The following HDAC9 variants were observed in gnomAD, a reference collection of about 807,000 sequenced individuals.
HDAC9 encodes MEF-2 interacting transcription repressor (MITR) protein.
HDAC9 carries 41 observed loss-of-function variants against 139.4 expected under a neutral mutation model. The observed-to-expected ratio is 0.29, with a 90% CI of 0.23 to 0.38. The LOEUF is 0.38. HDAC9 is among the 10% of genes least tolerant of loss of function. HDAC9 has a pLI of 1.00. For missense variants in HDAC9, 1,147 were observed against 1,297.0 expected, an observed-to-expected ratio of 0.88 and a Z score of 1.78; for synonymous variants, 517 against 476.2, an observed-to-expected ratio of 1.09 and a Z score of -1.12.
At chr7:18,299,900 A>G (rs1481369817) in intron 1 of HDAC9, among the ~76,000 whole-genome samples, 8 of 152,188 alleles carry the variant, frequency 5.3e-5, no homozygotes, top group Non-Finnish European at 1.2e-4. Flanking sequence ...TTAGTCAAAG[A>G]TGTTAAATTT....
chr7:18,910,357 C>T (rs1802635266), intron 22 of HDAC9, among the ~76,000 whole-genome samples: 1 of 151,888 alleles, frequency 6.6e-6, no homozygotes, highest in Non-Finnish European at 1.5e-5. Context: ...AGGTAGCTCA[C>T]TATTGGTATA....
intron 22 of HDAC9, among the ~76,000 whole-genome samples, chr7:18,932,830 AGG>A: frequency 6.9e-6 from 1 of 144,258 alleles, no homozygotes; most frequent in South Asian, 2.3e-4. Context: ...GAAAGAAGGA[AGG>A]AAGGAAGGAA....
At chr7:18,381,386 T>C (rs1785433207) in intron 1 of HDAC9, among the ~76,000 whole-genome samples, 1 of 152,052 alleles carries the variant, frequency 6.6e-6, no homozygotes, top group South Asian at 2.1e-4. Context: ...ATAGTTTATA[T>C]TATCTGACCA....
chr7:18,550,768 G>C (rs908151974), intron 2 of HDAC9, among the ~76,000 whole-genome samples: 5 of 152,180 alleles, frequency 3.3e-5, no homozygotes, highest in Admixed American at 2.0e-4. Context: ...AGATCAGAGT[G>C]GCTGGAGTAG....
At chr7:18,345,428 G>A (rs929516700) in intron 1 of HDAC9, among the ~76,000 whole-genome samples, 1 of 151,854 alleles carries the variant, frequency 6.6e-6, no homozygotes, top group Non-Finnish European at 1.5e-5. Context: ...TGATTAAGAG[G>A]TTATTGACAT....
At chr7:18,123,308 G>T (rs994195827) in intron 1 of HDAC9, among the ~76,000 whole-genome samples, 6 of 152,160 alleles carry the variant, frequency 3.9e-5, no homozygotes, top group Admixed American at 3.9e-4. Flanking sequence ...TGATAACTCA[G>T]TTTCATGCCT....
intron 21 of HDAC9, among the ~76,000 whole-genome samples, chr7:18,848,417 A>C (rs1357382579): frequency 1.3e-5 from 2 of 151,974 alleles, no homozygotes; most frequent in Non-Finnish European, 2.9e-5. Context: ...GGTGGCAATT[A>C]GGGTTAGATG....
intron 19 of HDAC9, among the ~76,000 whole-genome samples, chr7:18,834,331 G>A (rs1796066592): frequency 6.7e-6 from 1 of 150,176 alleles, no homozygotes; most frequent in Admixed American, 6.6e-5. Context: ...TTTTGGAGTG[G>A]CTCTTTTTTT....
intron 25 of HDAC9, among the ~76,000 whole-genome samples, chr7:18,990,548 G>A (rs1181562360): frequency 1.3e-5 from 2 of 152,240 alleles, no homozygotes; most frequent in Non-Finnish European, 2.9e-5. Context: ...GAGGCAGGCA[G>A]GCCTCCTTGA....
At chr7:18,863,349 G>A (rs1225502354) in intron 21 of HDAC9, among the ~76,000 whole-genome samples, 1 of 152,204 alleles carries the variant, frequency 6.6e-6, no homozygotes, top group African/African-American at 2.4e-5. Flanking sequence ...TGGGCCACAT[G>A]GGGCCCAGGA....
chr7:18,498,441 A>C (rs891616330), intron 2 of HDAC9, among the ~76,000 whole-genome samples: 1 of 152,112 alleles, frequency 6.6e-6, no homozygotes, highest in Non-Finnish European at 1.5e-5. Flanking sequence ...TCACTGCTGT[A>C]GGGCTAGGGA....
chr7:18,140,399 C>T (rs765057882), intron 1 of HDAC9, among the ~76,000 whole-genome samples: 3 of 151,926 alleles, frequency 2.0e-5, no homozygotes, highest in African/African-American at 7.3e-5. Flanking sequence ...TCTCTTTGAG[C>T]CCACAAAAAC....
intron 2 of HDAC9, among the ~76,000 whole-genome samples, chr7:18,565,875 G>A (rs1822175301): frequency 6.6e-6 from 1 of 151,056 alleles, no homozygotes; most frequent in South Asian, 2.1e-4. Flanking sequence ...TTTTACCCTG[G>A]CAACTTTAAT....
chr7:18,467,402 G>A (rs1475240742), intron 1 of HDAC9, among the ~76,000 whole-genome samples: 1 of 152,078 alleles, frequency 6.6e-6, no homozygotes, highest in African/African-American at 2.4e-5. Flanking sequence ...GGCCTCTGCT[G>A]CTTTCTCTGC....
chr7:18,962,412 G>A (rs1025032946), intron 24 of HDAC9, among the ~76,000 whole-genome samples: 2 of 152,072 alleles, frequency 1.3e-5, no homozygotes, highest in Non-Finnish European at 2.9e-5. Flanking sequence ...CTCTTCAAAT[G>A]TTCAAAGTCT....
At chr7:18,991,735 C>G (rs1416384747) in intron 25 of HDAC9, among the ~76,000 whole-genome samples, 1 of 152,000 alleles carries the variant, frequency 6.6e-6, no homozygotes, top group African/African-American at 2.4e-5. Context: ...TTTACTTTAG[C>G]TTTTGTGGCT....
At chr7:18,577,719 C>T (rs1043866818) in intron 2 of HDAC9, among the ~76,000 whole-genome samples, 3 of 151,978 alleles carry the variant, frequency 2.0e-5, no homozygotes, top group African/African-American at 7.3e-5. Context: ...AGAAGGAAGA[C>T]ATGGGCAAGA....
At chr7:18,180,226 TACACACACACACACACAC>T (rs67304424) in intron 2 of HDAC9, among the ~76,000 whole-genome samples, 68 of 120,702 alleles carry the variant, frequency 5.6e-4, no homozygotes, top group Non-Finnish European at 9.0e-4. Flanking sequence ...CCAAGACACA[TACACACACACACACACAC>T]ACACACACAC....
intron 2 of HDAC9, among the ~76,000 whole-genome samples, chr7:18,224,286 G>A (rs1400419540): frequency 1.3e-5 from 2 of 152,078 alleles, no homozygotes; most frequent in Non-Finnish European, 2.9e-5. Flanking sequence ...TGTCTTGATG[G>A]CCAAGACTCT....
Sources: gnomAD v4.1 joint callset for allele counts (sites outside exome capture counted in the v4.1 genomes callset) on GRCh38, gnomAD v4.1.1 for gene constraint, MANE v1.5 for transcripts, NCBI Gene and HGNC (gene_info 2026-07-23, HGNC 2026-07-21) for gene names.